HEATR4: variants seen among roughly 807,000 people sequenced by gnomAD.
HEATR4 encodes the protein HEAT repeat containing 4.
In HEATR4, 95 loss-of-function variants were observed where a neutral mutation model predicts 108.8. The ratio of observed to expected loss-of-function variants is 0.87; its 90% CI spans 0.74 to 1.04. The LOEUF is 1.04. HEATR4 is among the 50% of genes least tolerant of loss of function. The probability of loss-of-function intolerance (pLI) is 0.00; values close to 1 mark genes in which losing one functional copy is unlikely to be tolerated. For synonymous variants in HEATR4, 443 were observed against 459.4 expected, an observed-to-expected ratio of 0.96 and a Z score of 0.46; for missense variants, 1,152 against 1,253.8, an observed-to-expected ratio of 0.92 and a Z score of 1.23.
chr14:73,517,720 G>T (rs1742395224), intron 5 of HEATR4, among the ~76,000 whole-genome samples: 1 of 150,382 alleles, frequency 6.6e-6, no homozygotes, highest in African/African-American at 2.4e-5. Context: ...AGGGGAAGGG[G>T]GAAGAGAGGA....
the HEATR4 span, among the ~76,000 whole-genome samples, chr14:73,605,893 T>C: frequency 6.6e-6 from 1 of 151,984 alleles, no homozygotes; most frequent in South Asian, 2.1e-4. Context: ...ATTCTAACCC[T>C]CCCTAAACTG....
chr14:73,563,818 T>A (rs1396101256), upstream of HEATR4, among the ~76,000 whole-genome samples: 1 of 151,342 alleles, frequency 6.6e-6, no homozygotes, highest in Non-Finnish European at 1.5e-5. Context: ...AATAAATAAA[T>A]AAATGGTTAA....
At chr14:73,614,026 C>CAAAAAAAAAA in the HEATR4 span, among the ~76,000 whole-genome samples, 1 of 92,994 alleles carries the variant, frequency 1.1e-5, no homozygotes, top group Non-Finnish European at 2.1e-5. Flanking sequence ...TCTGTCTCTA[C>CAAAAAAAAAA]AAAAAAAAAA....
the HEATR4 span, among the ~76,000 whole-genome samples, chr14:73,629,789 C>T: frequency 6.6e-6 from 1 of 151,836 alleles, no homozygotes; most frequent in Non-Finnish European, 1.5e-5. Flanking sequence ...GGACTACAGG[C>T]ACCCGCCACC....
chr14:73,549,095 C>T lies in HEATR4; in HGVS notation c.-152+9656G>A. ...AGGAAATCCAAGATCAAGGCACCAG[C>T]AGATCTGGTGTCTGCTGAGGGCCTG... On this transcript the variant is annotated intron_variant, in intron 1 of 17. Transcript: ENST00000553558. 1.7e-5 allele frequency among the ~76,000 whole-genome samples: 2 copies of T among 114,742 alleles called. 1 individual carries two copies. Among genetic ancestry groups the T allele is most frequent in the Non-Finnish European group, 3.8e-5 (2 of 52,512 alleles). The allele number at this position is 114,742 out of a possible 152,430, so 75.3% of individuals were successfully genotyped here.
At chr14:73,588,463 G>C in the HEATR4 span, among the ~76,000 whole-genome samples, 27 of 152,172 alleles carry the variant, frequency 1.8e-4, no homozygotes, top group Non-Finnish European at 3.5e-4. Flanking sequence ...TCCCCCTGCA[G>C]CTATGGGTTC....
At chr14:73,488,001 A>G (rs1337755111) in intron 17 of HEATR4, among the ~76,000 whole-genome samples, 1 of 152,176 alleles carries the variant, frequency 6.6e-6, no homozygotes, top group Non-Finnish European at 1.5e-5. Context: ...TACCTAGCTG[A>G]GGAACTTGGA....
chr14:73,565,876 C>T, the HEATR4 span, among the ~76,000 whole-genome samples: 10 of 152,116 alleles, frequency 6.6e-5, no homozygotes, highest in East Asian at 9.6e-4. Context: ...GGGACCCCAG[C>T]GGGTTGCCAC....
the HEATR4 span, among the ~76,000 whole-genome samples, chr14:73,615,088 C>CAA: frequency 2.2e-3 from 317 of 141,442 alleles, 2 homozygotes; most frequent in South Asian, 7.9e-3. Flanking sequence ...GACTCCATCT[C>CAA]AAAAAAAAAA....
intron 12 of HEATR4, among the ~76,000 whole-genome samples, 186 bp from the exon 13 acceptor site, chr14:73,499,326 C>T (rs925946244): frequency 1.3e-5 from 2 of 152,038 alleles, no homozygotes; most frequent in Non-Finnish European, 2.9e-5. Context: ...ACTAAAAATA[C>T]AAAAATTAGC....
chr14:73,519,235 C>T lies in HEATR4; in HGVS notation c.1070-72G>A, dbSNP rs958759143. 2.7e-6 allele frequency: 4 copies of T among 1,492,142 alleles called. No homozygotes were observed. The Admixed American group carries it at 7.8e-5, about 29-fold the overall frequency. The allele number at this position is 1,492,142 out of a possible 1,614,324, so 92.4% of individuals were successfully genotyped here. ...TCCTTTCTCCCTGGGTTCCTAATCA[C>T]CAGGATCAGACCCAACTTCCTTTTG... On this transcript the variant is annotated intron_variant, in intron 4 of 17. Coordinates refer to ENST00000553558, the MANE Select transcript of HEATR4 (RefSeq NM_001220484.1).
chr14:73,512,957 G>T (rs1470373527), intron 6 of HEATR4, among the ~76,000 whole-genome samples: 1 of 152,098 alleles, frequency 6.6e-6, no homozygotes, highest in Non-Finnish European at 1.5e-5. Flanking sequence ...AACAGTCCTT[G>T]CCAGGCCATT....
Position 73,547,855 on chromosome 14 carries a change from C to T in HEATR4, c.-152+10896G>A, listed in dbSNP as rs1344266636. Among the ~76,000 whole-genome samples the T allele has an allele frequency of 3.5e-5, 4 of 115,204 alleles. 1 individual carries two copies. The highest frequency in any genetic ancestry group is 1.1e-4 in the African/African-American group (4 of 35,432). 75.6% of individuals were successfully genotyped at this position (115,204 alleles called of 152,430 possible). A position where few individuals can be genotyped will look rare whatever the true frequency, so the allele number is the denominator to read the frequency against. ...GAGCCAAGATTGTGTTACTGCACTC[C>T]AGCCTGGACAACAGAGTGAGACCCT... On this transcript the variant is annotated intron_variant, in intron 1 of 17. Transcript: ENST00000553558.
At chr14:73,481,340 G>A (rs755989029) in intron 17 of HEATR4, among the ~76,000 whole-genome samples, 11 of 152,108 alleles carry the variant, frequency 7.2e-5, no homozygotes, top group African/African-American at 1.7e-4. Flanking sequence ...TTGGGAGGCT[G>A]AGGCACGAGA....
rs111509999 is a variant in HEATR4 at position 73,549,110 on chromosome 14, C to G, written c.-152+9641G>C. On this transcript the variant is annotated intron_variant, in intron 1 of 17. Transcript: ENST00000553558. ...AAGGCACCAGCAGATCTGGTGTCTG[C>G]TGAGGGCCTGTTCCTCATAGATAGC... Among the ~76,000 whole-genome samples, 10 of 114,774 alleles carry G rather than the reference C, an allele frequency of 8.7e-5. 1 individual carries two copies. The highest frequency in any genetic ancestry group is 2.8e-4 in the South Asian group (1 of 3,584). 75.3% of individuals were successfully genotyped at this position (114,774 alleles called of 152,430 possible). A position where few individuals can be genotyped will look rare whatever the true frequency, so the allele number is the denominator to read the frequency against.
Position 73,512,156 on chromosome 14 carries a change from C to T in HEATR4, c.1415-7G>A, listed in dbSNP as rs538754569. 5.6e-6 allele frequency: 9 copies of T among 1,613,806 alleles called. No homozygotes were observed. Among genetic ancestry groups the T allele is most frequent in the South Asian group, 2.2e-5 (2 of 91,060 alleles). On this transcript the variant is annotated splice_region_variant and splice_polypyrimidine_tract_variant and intron_variant, in intron 6 of 17. Coordinates refer to ENST00000553558, the MANE Select transcript of HEATR4 (RefSeq NM_001220484.1). ...TCATGGTGCCACTCTATGACTGAGCCGCAGTGAGGGAAATGAAAAGAGAAC... is the reference window on the plus strand; with the variant it reads ...TCATGGTGCCACTCTATGACTGAGCTGCAGTGAGGGAAATGAAAAGAGAAC...
intron 9 of HEATR4, among the ~76,000 whole-genome samples, chr14:73,507,454 G>A (rs1402986162): frequency 6.6e-6 from 1 of 151,996 alleles, no homozygotes; most frequent in African/African-American, 2.4e-5. Context: ...AATTTTTTGA[G>A]GCAGGGTCTT....
rs746737451 is a variant in HEATR4 at position 73,491,494 on chromosome 14, G to C, written c.2844+1572C>G. ...CCGCGCAACACTTAGCGGCCGTCCA[G>C]TCGTCCGGGGCCCCTGCGACGGCGT... On this transcript the variant is annotated intron_variant, in intron 17 of 17. Coordinates refer to ENST00000553558, the MANE Select transcript of HEATR4 (RefSeq NM_001220484.1). The C allele has an allele frequency of 2.7e-6, 4 of 1,506,900 alleles. No homozygotes were observed. In the African/African-American group the frequency reaches 5.6e-5, roughly 21 times the overall value. The allele number at this position is 1,506,900 out of a possible 1,614,324, so 93.3% of individuals were successfully genotyped here.
intron 1 of HEATR4, chr14:73,537,600 T>G: frequency 8.2e-7 from 1 of 1,223,012 alleles, no homozygotes; most frequent in Non-Finnish European, 1.1e-6. Flanking sequence ...CTTGGCGAGC[T>G]GGACCTGGAG....
Sources: gnomAD v4.1 joint callset for allele counts (sites outside exome capture counted in the v4.1 genomes callset) on GRCh38, gnomAD v4.1.1 for gene constraint, MANE v1.5 for transcripts, NCBI Gene and HGNC (gene_info 2026-07-23, HGNC 2026-07-21) for gene names.